The following ANK1 variants were observed in gnomAD, a reference collection of about 807,000 sequenced individuals.
ANK1 encodes ankyrin-1.
In ANK1, 51 loss-of-function variants were observed where a neutral mutation model predicts 210.4. The observed-to-expected ratio is 0.24, with a 90% CI of 0.19 to 0.31. ANK1 has a LOEUF of 0.31. Ranked by LOEUF, ANK1 falls within the 10% of genes least tolerant of loss-of-function variation. The pLI, the probability that ANK1 is intolerant of heterozygous loss-of-function variation, is 1.00. For missense variants in ANK1, 2,051 were observed against 2,504.4 expected (o/e 0.82, Z 3.86); for synonymous variants, 967 against 1,025.9 (o/e 0.94, Z 1.10).
At position 41,693,045 on chromosome 8, in the gene ANK1, C is replaced by T. The variant is rs566831519; in HGVS notation, c.3629+60G>A. The T allele has an allele frequency of 1.2e-3, 1,803 of 1,539,336 alleles. 5 individuals are homozygous for T. Among genetic ancestry groups the T allele is most frequent in the Middle Eastern group, 4.6e-3 (27 of 5,922 alleles). On this transcript the variant is annotated intron_variant, in intron 30 of 42. Transcript: ENST00000289734. ...AGGGAGCCTCAGCCTCAGGCCTGGA[C>T]GGCAGCATAGAGCCTGAGGACGGCC... is the stretch of plus-strand genomic sequence containing the variant.
intron 24 of ANK1, 110 bp downstream of exon 24, chr8:41,697,933 T>A (rs1821562666): frequency 1.0e-6 from 1 of 968,016 alleles, no homozygotes; most frequent in Non-Finnish European, 1.6e-6. Context: ...GTGAGTGGCA[T>A]GTGAGCTATT....
At chr8:41,753,940 C>T (rs1351670069) in intron 2 of ANK1, among the ~76,000 whole-genome samples, 1 of 152,198 alleles carries the variant, frequency 6.6e-6, no homozygotes, top group Admixed American at 6.5e-5. Context: ...CCTTGCTTCA[C>T]CTTATTTGCC....
At chr8:41,658,001 T>C (rs1806379265) in intron 42 of ANK1, among the ~76,000 whole-genome samples, 1 of 152,128 alleles carries the variant, frequency 6.6e-6, no homozygotes, top group Non-Finnish European at 1.5e-5. Context: ...CCCACCTCAG[T>C]TTCCCAAGAA....
intron 1 of ANK1, among the ~76,000 whole-genome samples, chr8:41,766,448 C>T (rs183334277): frequency 6.6e-6 from 1 of 152,310 alleles, no homozygotes; most frequent in East Asian, 1.9e-4. Context: ...TCCAGGCTCC[C>T]CAGTCTGACT....
In ANK1 at chr8:41,661,443, A is replaced by C; in HGVS notation, c.*23T>G. On this transcript the variant is annotated 3_prime_UTR_variant, in exon 42 of 43. Transcript: ENST00000289734. Reference sequence around the variant, plus strand: ...GGGCAGCGTTACCTCCCGAGAGGCTACTCCAAGGAGAGCGGCTCGGGGTCA... The same window carrying C: ...GGGCAGCGTTACCTCCCGAGAGGCTCCTCCAAGGAGAGCGGCTCGGGGTCA... 2 of 1,613,894 alleles carry C rather than the reference A, an allele frequency of 1.2e-6. No homozygotes were observed. The highest frequency in any genetic ancestry group is 1.7e-6 in the Non-Finnish European group (2 of 1,179,978).
chr8:41,726,056 G>T, intron 5 of ANK1, 110 bp from the exon 6 acceptor site: 15 of 1,255,370 alleles, frequency 1.2e-5, no homozygotes, highest in Non-Finnish European at 1.7e-5. Flanking sequence ...CCCAGCCTGA[G>T]GGACCTACCT....
chr8:41,837,353 A>G (rs1220679369), intron 1 of ANK1, among the ~76,000 whole-genome samples: 2 of 152,132 alleles, frequency 1.3e-5, no homozygotes. Context: ...ATAACGAAAG[A>G]TGGTGTGTTT....
intron 22 of ANK1, 32 bp downstream of exon 22, chr8:41,701,518 C>T: frequency 6.2e-7 from 1 of 1,611,194 alleles, no homozygotes; most frequent in Non-Finnish European, 8.5e-7. Context: ...CCCTCTGTCC[C>T]CACCAGCCTG....
chr8:41,712,740 A>T (rs900291176), intron 16 of ANK1, among the ~76,000 whole-genome samples: 8 of 152,234 alleles, frequency 5.3e-5, no homozygotes, highest in African/African-American at 1.9e-4. Flanking sequence ...AAATTGCCAG[A>T]CTACTTTGGA....
rs886062939 is a variant in ANK1, at chr8:41,690,294, G to T, written c.4037C>A (p.Ala1346Glu). ...GTGCTGGGTGTCCTCGTACTTCATC[G>T]CCTTGCGCAGAAACGACAGGGACCC... Reference protein sequence around the residue: ...PGGSLSFLRKAMKYEDTQHIL... With the variant: ...PGGSLSFLRKEMKYEDTQHIL... The change falls in exon 33 of 43, where the codon GCG becomes GAG. Residue 1346 changes from alanine (A) to glutamate (E), a missense_variant. Coordinates refer to ENST00000289734, the MANE Select transcript of ANK1 (RefSeq NM_000037.4). The T allele has an allele frequency of 6.2e-7, 1 of 1,614,228 alleles. No homozygotes were observed. The highest frequency in any genetic ancestry group is 8.5e-7 in the Non-Finnish European group (1 of 1,180,040).
At chr8:41,817,599 C>T (rs1803540266) in intron 1 of ANK1, among the ~76,000 whole-genome samples, 1 of 152,150 alleles carries the variant, frequency 6.6e-6, no homozygotes, top group Non-Finnish European at 1.5e-5. Flanking sequence ...AGGATGGAAA[C>T]CAAAATATTC....
At chr8:41,747,827 G>A (rs1024344054) in intron 2 of ANK1, among the ~76,000 whole-genome samples, 3 of 152,198 alleles carry the variant, frequency 2.0e-5, no homozygotes, top group Non-Finnish European at 4.4e-5. Flanking sequence ...GAATGTCCCT[G>A]CTGTGACTAC....
intron 1 of ANK1, among the ~76,000 whole-genome samples, chr8:41,763,041 C>A (rs186768307): frequency 5.3e-5 from 8 of 152,192 alleles, no homozygotes; most frequent in Non-Finnish European, 7.4e-5. Context: ...CATGGTGAAA[C>A]CACATCTCTA....
intron 1 of ANK1, among the ~76,000 whole-genome samples, chr8:41,877,073 T>C (rs187190224): frequency 7.8e-4 from 119 of 152,308 alleles, no homozygotes; most frequent in African/African-American, 1.7e-3. Context: ...GCGGGAGGAT[T>C]GCTTGAGGCT....
chr8:41,758,210 G>T, intron 1 of ANK1, 73 bp from the exon 2 acceptor site: 2 of 1,340,420 alleles, frequency 1.5e-6, no homozygotes, highest in Non-Finnish European at 1.1e-6. Flanking sequence ...CAAGTCCCAG[G>T]CCCCCGCAGC....
At position 41,718,312 on chromosome 8, in the gene ANK1, C is replaced by T. The variant is rs981686001; in HGVS notation, c.1108-108G>A. 4 of 927,966 alleles carry T rather than the reference C, an allele frequency of 4.3e-6. No homozygotes were observed. The African/African-American group carries it at 4.9e-5, about 11-fold the overall frequency. 57.5% of individuals were successfully genotyped at this position (927,966 alleles called of 1,614,324 possible). The stretch of plus-strand genomic sequence containing the variant: ...TAAAAGGCAGCTGCTGCCCAGGCCA[C>T]CAGCAGATGCCCATAGACCAATCAA... On this transcript the variant is annotated intron_variant, in intron 10 of 42. Transcript: ENST00000289734.
rs201024919 is a variant in ANK1, at chr8:41,725,874, C to T, written c.499G>A (p.Gly167Ser). 18 of 1,613,226 alleles carry T rather than the reference C, an allele frequency of 1.1e-5. No individual in the cohort carries two copies. The South Asian group carries it at 1.6e-4, about 15-fold the overall frequency. The change falls in exon 6 of 43, where the codon GGC becomes AGC. Residue 167 changes from glycine (G) to serine (S), a missense_variant. Gly to Ser is a moderately conservative substitution (Grantham distance 56, BLOSUM62 0). Transcript: ENST00000289734. ...GGGAGGCGCACCTTCCCCTTGGTGC[C>T]GTAGTTGATGAGGTGCGCGACGACG... ...ENVVAHLINY[G>S]TKGKVRLPAL...
intron 1 of ANK1, among the ~76,000 whole-genome samples, chr8:41,854,962 A>G (rs887312583): frequency 5.9e-5 from 9 of 151,752 alleles, no homozygotes; most frequent in African/African-American, 9.7e-5. Flanking sequence ...GAAAAAAAAA[A>G]AAAAGAAAAG....
At chr8:41,770,053 C>A (rs1842716641) in intron 1 of ANK1, among the ~76,000 whole-genome samples, 1 of 130,206 alleles carries the variant, frequency 7.7e-6, no homozygotes, top group South Asian at 2.4e-4. Context: ...ATGATCTTGG[C>A]TCACTGCAAC....
Sources: gnomAD v4.1 joint callset for allele counts (sites outside exome capture counted in the v4.1 genomes callset) on GRCh38, gnomAD v4.1.1 for gene constraint, MANE v1.5 for transcripts, NCBI Gene and HGNC (gene_info 2026-07-23, HGNC 2026-07-21) for gene names.